Variants in CEP192 observed in about 807,000 individuals in gnomAD.
The protein encoded by CEP192 is centrosomal protein of 192 kDa.
In CEP192, 151 loss-of-function variants were observed where a neutral mutation model predicts 271.8. The observed-to-expected ratio is 0.56, with a 90% CI of 0.49 to 0.64. The LOEUF is 0.64. Among genes scored for constraint, CEP192 ranks in the 30% least tolerant of loss-of-function variants. The probability of loss-of-function intolerance (pLI) is 0.00; values close to 1 mark genes in which losing one functional copy is unlikely to be tolerated. For missense variants in CEP192, 2,910 were observed against 3,020.5 expected, an observed-to-expected ratio of 0.96 and a Z score of 0.86; for synonymous variants, 995 against 1,076.5, an observed-to-expected ratio of 0.92 and a Z score of 1.48.
intron 30 of CEP192, among the ~76,000 whole-genome samples, chr18:13,083,215 T>C (rs1203769699): frequency 6.6e-6 from 1 of 152,224 alleles, no homozygotes; most frequent in African/African-American, 2.4e-5. Context: ...TGCAGTGTGT[T>C]TTCCAACTTG....
At chr18:13,058,208 A>G (rs1330862733) in intron 20 of CEP192, 2 of 152,358 alleles carry the variant, frequency 1.3e-5, no homozygotes, top group Non-Finnish European at 2.9e-5. Context: ...TGCAGTTTTA[A>G]TATGAACTTT....
chr18:13,008,395 T>C (rs1352582278), intron 3 of CEP192, 61 bp from the exon 4 acceptor site: 3 of 1,134,056 alleles, frequency 2.6e-6, no homozygotes, highest in Non-Finnish European at 3.8e-6. Flanking sequence ...TTAATAAATA[T>C]TTTGTAGATT....
chr18:13,010,835 A>G (rs1315864600), intron 4 of CEP192, among the ~76,000 whole-genome samples: 1 of 150,590 alleles, frequency 6.6e-6, no homozygotes, highest in Admixed American at 6.6e-5. Context: ...AATAAGAGCG[A>G]AACTCCATCT....
At chr18:13,023,782 A>C (rs1400577336) in intron 9 of CEP192, among the ~76,000 whole-genome samples, 4 of 152,148 alleles carry the variant, frequency 2.6e-5, no homozygotes, top group Non-Finnish European at 5.9e-5. Flanking sequence ...TTTCTGAAAA[A>C]GGTTGTAGAG....
At chr18:13,075,678 A>G (rs116057080) in intron 30 of CEP192, among the ~76,000 whole-genome samples, 149 of 152,326 alleles carry the variant, frequency 9.8e-4, no homozygotes, top group African/African-American at 3.3e-3. Flanking sequence ...TACCCAGTCT[A>G]TAGTTACTGT....
chr18:13,026,075 C>G (rs1016930833), intron 9 of CEP192, among the ~76,000 whole-genome samples: 1 of 152,156 alleles, frequency 6.6e-6, no homozygotes, highest in Non-Finnish European at 1.5e-5. Context: ...TCAATTTTTG[C>G]TTGTCTGAGA....
chr18:13,004,566 A>G (rs917681268), intron 3 of CEP192, among the ~76,000 whole-genome samples: 1 of 152,144 alleles, frequency 6.6e-6, no homozygotes, highest in Non-Finnish European at 1.5e-5. Context: ...TTACCTTTTC[A>G]GTGCTTCAGG....
intron 5 of CEP192, 48 bp from the exon 6 acceptor site, chr18:13,015,273 ATGCTCTT>A: frequency 1.3e-6 from 2 of 1,517,228 alleles, no homozygotes; most frequent in Non-Finnish European, 8.9e-7. Flanking sequence ...GCCTTGTACT[ATGCTCTT>A]CAGAGCCCTG....
chr18:13,014,661 T>C (rs1042230374), intron 5 of CEP192, among the ~76,000 whole-genome samples: 9 of 152,228 alleles, frequency 5.9e-5, no homozygotes, highest in African/African-American at 1.9e-4. Flanking sequence ...TTGATGCCCC[T>C]GGTGCTTAGA....
At chr18:13,113,515 G>T (rs2040299202) in intron 40 of CEP192, 71 bp from the exon 41 acceptor site, 1 of 1,446,172 alleles carries the variant, frequency 6.9e-7, no homozygotes, top group South Asian at 1.2e-5. Flanking sequence ...CCAAATCTTT[G>T]AACTGGTGAT....
rs143958414 is a variant in CEP192 at position 13,049,254 on chromosome 18, C to G, written c.2463C>G (p.Asp821Glu). ...LSLPKEQTTQ[D>E]IHPVDLSATS... ...TGCCCAAAGAACAAACTACTCAAGA[C>G]ATTCATCCGGTGGACTTAAGTGCTA... The change falls in exon 16 of 45, where the codon GAC becomes GAG. Residue 821 changes from aspartate to glutamate, a missense_variant. Coordinates refer to ENST00000506447, the MANE Select transcript of CEP192 (RefSeq NM_032142.4). 8.1e-6 allele frequency: 13 copies of G among 1,614,148 alleles called. 1 individual carries two copies. The African/African-American group carries it at 1.6e-4, about 20-fold the overall frequency.
chr18:13,052,848 A>G (rs1490779451), intron 17 of CEP192, 71 bp from the exon 18 acceptor site: 3 of 1,195,080 alleles, frequency 2.5e-6, no homozygotes. Flanking sequence ...GGCCCATAGG[A>G]ATGGTTTTTT....
chr18:13,073,288 C>T (rs3809907), intron 30 of CEP192, 103 bp downstream of exon 30: 7 of 1,034,564 alleles, frequency 6.8e-6, no homozygotes, highest in Middle Eastern at 2.1e-4. Context: ...ATAAGTGAAA[C>T]TATGTAATTA....
At chr18:13,007,592 C>G (rs1466695183) in intron 3 of CEP192, among the ~76,000 whole-genome samples, 1 of 152,158 alleles carries the variant, frequency 6.6e-6, no homozygotes, top group East Asian at 1.9e-4. Flanking sequence ...TATAGTCTTT[C>G]CACCTATGCC....
intron 30 of CEP192, among the ~76,000 whole-genome samples, chr18:13,074,117 G>A (rs2038150463): frequency 6.6e-6 from 1 of 152,142 alleles, no homozygotes; most frequent in African/African-American, 2.4e-5. Context: ...GTGTTTGGCA[G>A]TGGGGCTGGG....
chr18:13,106,509 T>TACCACCACCACC (rs761390676), intron 40 of CEP192, among the ~76,000 whole-genome samples: 6 of 136,862 alleles, frequency 4.4e-5, no homozygotes, highest in African/African-American at 1.8e-4. Flanking sequence ...CACCATTTCC[T>TACCACCACCACC]ACCACCACCA....
intron 4 of CEP192, 47 bp downstream of exon 4, chr18:13,008,678 C>G: frequency 7.4e-7 from 1 of 1,357,430 alleles, no homozygotes; most frequent in Non-Finnish European, 1.0e-6. Flanking sequence ...GTTTTAATTT[C>G]CTTTTTCATT....
At chr18:13,092,066 C>T (rs1320110871) in intron 33 of CEP192, among the ~76,000 whole-genome samples, 1 of 152,130 alleles carries the variant, frequency 6.6e-6, no homozygotes, top group East Asian at 1.9e-4. Flanking sequence ...TGCTCACAAC[C>T]CCTGATACAG....
At chr18:13,004,958 G>A (rs1426032091) in intron 3 of CEP192, among the ~76,000 whole-genome samples, 1 of 152,172 alleles carries the variant, frequency 6.6e-6, no homozygotes. Flanking sequence ...ATGGACAGGG[G>A]CAGGGAGAGT....
Sources: allele counts gnomAD v4.1 joint callset (sites outside exome capture counted in the v4.1 genomes callset), GRCh38; gene constraint gnomAD v4.1.1; transcripts MANE v1.5; gene names NCBI Gene and HGNC (gene_info 2026-07-23, HGNC 2026-07-21).